Variants in SMG1 observed in about 807,000 individuals in gnomAD.
SMG1 encodes the protein SMG1 nonsense mediated mRNA decay associated PI3K related kinase.
SMG1 carries 22 observed loss-of-function variants against 419.9 expected under a neutral mutation model. The observed-to-expected ratio is 0.05, with a 90% CI of 0.04 to 0.07. The LOEUF is 0.07. Among genes scored for constraint, SMG1 ranks in the 10% least tolerant of loss-of-function variants. The pLI, the probability that SMG1 is intolerant of heterozygous loss-of-function variation, is 1.00. For missense variants in SMG1, 3,185 were observed against 4,342.0 expected (o/e 0.73, Z 7.49); for synonymous variants, 1,538 against 1,553.5 (o/e 0.99, Z 0.23).
chr16:18,834,236 G>T lies in SMG1; in HGVS notation c.8533C>A (p.His2845Asn). ...GAGGTATACACTCCATTGGCTAAGT[G>T]AACTGTCTCAGACGCTTCCATGGGG... ...PNPMEASETV[H>N]LANGVYTSLQ... The change falls in exon 50 of 63, where the codon CAC becomes AAC. Residue 2845 changes from histidine to asparagine, a missense_variant. His to Asn is a moderately conservative substitution (Grantham distance 68). Around this residue, in one of 27 missense-constraint regions of SMG1, gnomAD observed 412 missense variants for 546.6 expected, o/e 0.75. Coordinates refer to ENST00000446231, the MANE Select transcript of SMG1 (RefSeq NM_015092.5). 1 of 1,604,680 alleles carries T rather than the reference G, an allele frequency of 6.2e-7. No individual in the cohort carries two copies. The highest frequency in any genetic ancestry group is 1.1e-5 in the South Asian group (1 of 89,368).
At chr16:18,885,452 G>A (rs1449965388) in intron 7 of SMG1, 89 bp downstream of exon 7, 19 of 1,482,888 alleles carry the variant, frequency 1.3e-5, no homozygotes, top group Non-Finnish European at 1.8e-5. Context: ...AAGGAGCTGA[G>A]GCATTGTTTT....
At chr16:18,844,574 A>ACACACACACACACACACACACACT (rs1460099489) in intron 39 of SMG1, among the ~76,000 whole-genome samples, 2 of 125,018 alleles carry the variant, frequency 1.6e-5, no homozygotes, top group African/African-American at 6.3e-5. Context: ...CTTCTCTCAC[A>ACACACACACACACACACACACACT]CACACACACG....
At position 18,854,676 on chromosome 16, in the gene SMG1, G is replaced by A; in HGVS notation, c.4463C>T (p.Thr1488Ile). Residue 1488 changes from threonine to isoleucine, a missense_variant, in exon 30 of 63, where the codon ACC becomes ATC. Around this residue, in one of 27 missense-constraint regions of SMG1, gnomAD observed 493 missense variants for 552.9 expected, o/e 0.89. Coordinates refer to ENST00000446231, the MANE Select transcript of SMG1 (RefSeq NM_015092.5). ...CTAACCTGCTGTATAAAGCAATTTGGTTTTTTCAATATCAAGTTCGGGCCC... is the reference window on the plus strand; with the variant it reads ...CTAACCTGCTGTATAAAGCAATTTGATTTTTTCAATATCAAGTTCGGGCCC... ...KWGPELDIEK[T>I]KLLYTAGQST... 6.2e-7 allele frequency: 1 copy of A among 1,613,546 alleles called. No homozygotes were observed. The highest frequency in any genetic ancestry group is 8.5e-7 in the Non-Finnish European group (1 of 1,179,796).
chr16:18,827,148 C>T (rs939793233), intron 55 of SMG1, among the ~76,000 whole-genome samples: 7 of 151,950 alleles, frequency 4.6e-5, no homozygotes, highest in Non-Finnish European at 8.8e-5. Context: ...AAATATAGGC[C>T]GGGTGCGGTG....
chr16:18,911,771 G>A (rs1225916792), intron 1 of SMG1: 1 of 151,950 alleles, frequency 6.6e-6, no homozygotes, highest in Non-Finnish European at 1.5e-5. Context: ...TATCTGTGAA[G>A]GATTAACTTT....
chr16:18,847,021 C>T (rs533451235), intron 38 of SMG1, among the ~76,000 whole-genome samples: 42 of 151,976 alleles, frequency 2.8e-4, no homozygotes, highest in African/African-American at 8.7e-4. Flanking sequence ...ATGGACAAAA[C>T]GGTATAATCA....
chr16:18,904,298 T>C (rs184971767), intron 1 of SMG1, among the ~76,000 whole-genome samples: 3 of 150,756 alleles, frequency 2.0e-5, no homozygotes, highest in Admixed American at 1.3e-4. Context: ...CATCAACATA[T>C]GAGCACTCTC....
intron 13 of SMG1, 67 bp from the exon 14 acceptor site, chr16:18,872,691 T>C: frequency 1.6e-6 from 2 of 1,241,722 alleles, no homozygotes; most frequent in Non-Finnish European, 2.2e-6. Flanking sequence ...ACAGAGTTTA[T>C]CCTTCAAAAT....
chr16:18,819,875 A>G (rs1306494681), intron 55 of SMG1, among the ~76,000 whole-genome samples: 1 of 152,260 alleles, frequency 6.6e-6, no homozygotes, highest in Non-Finnish European at 1.5e-5. Flanking sequence ...ACTGGCTTTC[A>G]GTTTATTATC....
intron 62 of SMG1, among the ~76,000 whole-genome samples, chr16:18,809,910 C>G (rs754815632): frequency 6.6e-6 from 1 of 151,854 alleles, no homozygotes; most frequent in Non-Finnish European, 1.5e-5. Context: ...CAGAACGTTT[C>G]TTAAGTAAAA....
intron 60 of SMG1, 100 bp downstream of exon 60, chr16:18,815,075 G>T: frequency 2.6e-6 from 2 of 758,410 alleles, no homozygotes; most frequent in Non-Finnish European, 4.4e-6. Flanking sequence ...TAGAATGACA[G>T]GCCTTAAGTG....
intron 57 of SMG1, among the ~76,000 whole-genome samples, 173 bp downstream of exon 57, chr16:18,817,118 C>CGG (rs11332992): frequency 1.9e-4 from 17 of 87,586 alleles, no homozygotes; most frequent in African/African-American, 9.2e-4. Context: ...TGTTTCGGGG[C>CGG]GGGGGGGGGG....
intron 42 of SMG1, among the ~76,000 whole-genome samples, chr16:18,839,179 T>C (rs2033762710): frequency 6.6e-6 from 1 of 152,126 alleles, no homozygotes; most frequent in East Asian, 1.9e-4. Context: ...ATTGATTTTA[T>C]TTAAAAAAAT....
Position 18,834,381 on chromosome 16 carries a change from C to G in SMG1, c.8388G>C (p.Leu2796=), listed in dbSNP as rs1229508185. ...AGAACCAGGCTCCATCCCGAGAAGT[C>G]AGATCAACCAGCTGTTCTCCAGCAC... ...ASSAGEQLVD[L]TSRDGAWFLE... The change falls in exon 50 of 63, where the codon CTG becomes CTC. Residue 2796 remains leucine, a synonymous_variant. Coordinates refer to ENST00000446231, the MANE Select transcript of SMG1 (RefSeq NM_015092.5). 1.9e-6 allele frequency: 3 copies of G among 1,613,796 alleles called. No homozygotes were observed. Among genetic ancestry groups the G allele is most frequent in the African/African-American group, 2.7e-5 (2 of 74,918 alleles).
At chr16:18,831,051 G>A (rs139573706) in intron 51 of SMG1, among the ~76,000 whole-genome samples, 249 of 152,260 alleles carry the variant, frequency 1.6e-3, no homozygotes, top group African/African-American at 5.7e-3. Flanking sequence ...TACAAGATAC[G>A]ATACAACCAA....
At chr16:18,849,062 T>G (rs2034433338) in intron 36 of SMG1, among the ~76,000 whole-genome samples, 155 bp downstream of exon 36, 1 of 86,338 alleles carries the variant, frequency 1.2e-5, no homozygotes, top group African/African-American at 5.1e-5. Flanking sequence ...AGAGTGAGAC[T>G]CCATCTCAAA....
chr16:18,887,904 G>T (rs1260446389), intron 6 of SMG1, among the ~76,000 whole-genome samples: 1 of 150,348 alleles, frequency 6.7e-6, no homozygotes, highest in Non-Finnish European at 1.5e-5. Flanking sequence ...GGTGGCTCAT[G>T]ACAGTAATCC....
At chr16:18,900,315 T>C (rs1450013449) in intron 1 of SMG1, among the ~76,000 whole-genome samples, 6 of 152,206 alleles carry the variant, frequency 3.9e-5, no homozygotes, top group African/African-American at 1.4e-4. Context: ...TAGTTACCAC[T>C]TATTTTAGCT....
intron 39 of SMG1, among the ~76,000 whole-genome samples, chr16:18,843,389 TA>T (rs1369452869): frequency 6.6e-6 from 1 of 152,230 alleles, no homozygotes; most frequent in Non-Finnish European, 1.5e-5. Flanking sequence ...TAATACTTTC[TA>T]ATAATCACAG....
Sources: gnomAD v4.1 joint callset for allele counts (sites outside exome capture counted in the v4.1 genomes callset) on GRCh38, gnomAD v4.1.1 for gene constraint, gnomAD v4.1.1 regional missense constraint, MANE v1.5 for transcripts, NCBI Gene and HGNC (gene_info 2026-07-23, HGNC 2026-07-21) for gene names.